MGLL: variants seen among roughly 807,000 people sequenced by gnomAD.
MGLL encodes the protein lysophospholipase homolog.
In MGLL, 7 loss-of-function variants were observed where a neutral mutation model predicts 29.1. The observed-to-expected ratio is 0.24, with a 90% CI of 0.14 to 0.45. MGLL has a LOEUF of 0.45. Ranked by LOEUF, MGLL falls within the 20% of genes least tolerant of loss-of-function variation. The probability of loss-of-function intolerance (pLI) is 0.99; values close to 1 mark genes in which losing one functional copy is unlikely to be tolerated. For missense variants in MGLL, 356 were observed against 413.6 expected (o/e 0.86, Z 1.21); for synonymous variants, 148 against 168.3 (o/e 0.88, Z 0.93).
Position 127,741,099 on chromosome 3 carries a change from G to C in MGLL, c.263-18533C>G, listed in dbSNP as rs551346431. On this transcript the variant is annotated intron_variant, in intron 3 of 7. Transcript: ENST00000265052. ...ACAACCTCTCTGTGGCCAGGTGCCT[G>C]AGCTCAGCTGTGCCCAAAGAGAGAC... Among the ~76,000 whole-genome samples the C allele has an allele frequency of 1.1e-4, 17 of 152,370 alleles. No homozygotes were observed. In the South Asian group the frequency reaches 3.5e-3, roughly 32 times the overall value.
chr3:127,813,186 C>T (rs1448560632), intron 2 of MGLL, among the ~76,000 whole-genome samples: 2 of 151,896 alleles, frequency 1.3e-5, no homozygotes, highest in Non-Finnish European at 2.9e-5. Flanking sequence ...TTCTTTTTTC[C>T]CCTGCTTCCC....
At chr3:127,785,625 C>T (rs184929753) in intron 2 of MGLL, among the ~76,000 whole-genome samples, 33 of 152,356 alleles carry the variant, frequency 2.2e-4, no homozygotes, top group Admixed American at 5.9e-4. Flanking sequence ...CAGGACCCTG[C>T]GCAAGTCGCC....
In MGLL at chr3:127,721,027, T is replaced by C. The variant is rs771864014; in HGVS notation, c.510+26A>G. The C allele has an allele frequency of 1.9e-6, 3 of 1,590,998 alleles. No homozygotes were observed. In the East Asian group the frequency reaches 6.7e-5, roughly 36 times the overall value. On this transcript the variant is annotated intron_variant, in intron 5 of 7. Coordinates refer to ENST00000265052, the MANE Select transcript of MGLL (RefSeq NM_007283.7). ...CCATGTCCCGGGGAACCTGTAGGAATTGTACAGACTGGAAGGTCCTTTTAC... is the reference window on the plus strand; with the variant it reads ...CCATGTCCCGGGGAACCTGTAGGAACTGTACAGACTGGAAGGTCCTTTTAC...
At chr3:127,823,060 G>C (rs1200181968), upstream of MGLL, 1 of 152,360 alleles carries the variant, frequency 6.6e-6, no homozygotes, top group East Asian at 1.9e-4. Flanking sequence ...TGGCGGGCTG[G>C]GGCAGGGGCC....
At chr3:127,782,207 G>A (rs555613868) in intron 2 of MGLL, among the ~76,000 whole-genome samples, 8 of 152,102 alleles carry the variant, frequency 5.3e-5, no homozygotes, top group Admixed American at 1.3e-4. Context: ...GGGTGACAGA[G>A]CGAGACTCTG....
At chr3:127,791,960 C>T (rs531308414) in intron 2 of MGLL, among the ~76,000 whole-genome samples, 17 of 152,224 alleles carry the variant, frequency 1.1e-4, no homozygotes, top group African/African-American at 3.9e-4. Context: ...CTCAGCTATT[C>T]GGGAGGCTGA....
rs549476329 is a variant in MGLL at position 127,771,846 on chromosome 3, C to G, written c.262+9943G>C. ...GTAACATAGCGTATGTTGAGAACAC[C>G]AGGGGCAGCATGTATGTGGGGAGTG... On this transcript the variant is annotated intron_variant, in intron 3 of 7. Transcript: ENST00000265052. 5.3e-5 allele frequency among the ~76,000 whole-genome samples: 8 copies of G among 152,196 alleles called. No individual in the cohort carries two copies. The East Asian group carries it at 1.5e-3, about 29-fold the overall frequency.
chr3:127,753,336 T>C (rs1252661078), intron 3 of MGLL, among the ~76,000 whole-genome samples: 2 of 152,224 alleles, frequency 1.3e-5, no homozygotes, highest in African/African-American at 4.8e-5. Flanking sequence ...TAATGTGCCC[T>C]TTCCCTGCTG....
chr3:127,819,576 T>A (rs538304563), intron 2 of MGLL, among the ~76,000 whole-genome samples: 41 of 152,226 alleles, frequency 2.7e-4, no homozygotes, highest in African/African-American at 9.6e-4. Context: ...GAGACAGGAT[T>A]GCACAAAGCG....
Position 127,822,441 on chromosome 3 carries a change from C to A in MGLL, c.-123G>T. The A allele has an allele frequency of 9.9e-7, 1 of 1,005,764 alleles. No individual in the cohort carries two copies. Among genetic ancestry groups the A allele is most frequent in the Non-Finnish European group, 1.6e-6 (1 of 643,724 alleles). 62.3% of individuals were successfully genotyped at this position (1,005,764 alleles called of 1,614,324 possible). ...GGAAGGCAGCTCCGAGCCCTCTTCC[C>A]GCACCCAGACCCTGCCTTTCGGGCT... is the stretch of plus-strand genomic sequence containing the variant. On this transcript the variant is annotated 5_prime_UTR_variant, in exon 1 of 8. Transcript: ENST00000265052.
intron 6 of MGLL, 85 bp from the exon 7 acceptor site, chr3:127,695,275 T>C (rs2075336556): frequency 7.3e-7 from 1 of 1,363,194 alleles, no homozygotes; most frequent in Non-Finnish European, 1.0e-6. Context: ...CTTTTCCTTC[T>C]GCTCTGGCCT....
At chr3:127,786,254 C>G (rs1006910597) in intron 2 of MGLL, among the ~76,000 whole-genome samples, 1 of 152,196 alleles carries the variant, frequency 6.6e-6, no homozygotes, top group Non-Finnish European at 1.5e-5. Context: ...ATCAAGGGGC[C>G]GACAGGGCCC....
intron 2 of MGLL, among the ~76,000 whole-genome samples, chr3:127,800,970 C>T (rs968052566): frequency 6.6e-6 from 1 of 151,420 alleles, no homozygotes; most frequent in Non-Finnish European, 1.5e-5. Context: ...AGAGAGAGTA[C>T]GTATAGTCAG....
intron 3 of MGLL, among the ~76,000 whole-genome samples, chr3:127,762,171 A>G (rs1412480410): frequency 6.6e-6 from 1 of 152,220 alleles, no homozygotes; most frequent in Non-Finnish European, 1.5e-5. Flanking sequence ...CGTTAGTGAC[A>G]CATGAAGCAC....
intron 2 of MGLL, among the ~76,000 whole-genome samples, chr3:127,797,091 G>A (rs563500756): frequency 8.5e-4 from 129 of 152,238 alleles, no homozygotes; most frequent in Non-Finnish European, 1.6e-3. Context: ...CAGAGGAGAA[G>A]CCTGTGATGC....
chr3:127,713,275 T>C (rs1172079668), intron 5 of MGLL: 1 of 152,262 alleles, frequency 6.6e-6, no homozygotes, highest in African/African-American at 2.4e-5. Flanking sequence ...AGCCCTGGCA[T>C]CAGTGCCTTT....
rs545201007 is a variant in MGLL, at chr3:127,817,963, C to A, written c.155+3731G>T. Reference sequence around the variant, plus strand: ...CATTTGCTCATGATCCAGTATCCCCCCCTTTTTCTTTTTTTGAGATGGAGT... The same window carrying A: ...CATTTGCTCATGATCCAGTATCCCCACCTTTTTCTTTTTTTGAGATGGAGT... On this transcript the variant is annotated intron_variant, in intron 2 of 7. Transcript: ENST00000265052. Among the ~76,000 whole-genome samples, 3 of 152,168 alleles carry A rather than the reference C, an allele frequency of 2.0e-5. No individual in the cohort carries two copies. The South Asian group carries it at 6.2e-4, about 31-fold the overall frequency.
At chr3:127,738,081 G>A (rs960698698) in intron 3 of MGLL, among the ~76,000 whole-genome samples, 1 of 151,926 alleles carries the variant, frequency 6.6e-6, no homozygotes, top group African/African-American at 2.4e-5. Context: ...TGGGCAGATG[G>A]CTTAAACCAG....
chr3:127,782,198 G>A (rs1166781661), intron 2 of MGLL, among the ~76,000 whole-genome samples: 1 of 152,070 alleles, frequency 6.6e-6, no homozygotes, highest in Non-Finnish European at 1.5e-5. Context: ...CTCCAGCCTG[G>A]GTGACAGAGC....
Sources: gnomAD v4.1 joint callset for allele counts (sites outside exome capture counted in the v4.1 genomes callset) on GRCh38, gnomAD v4.1.1 for gene constraint, MANE v1.5 for transcripts, NCBI Gene and HGNC (gene_info 2026-07-23, HGNC 2026-07-21) for gene names.